The following PPP2R2A variants were observed in gnomAD, a reference collection of about 807,000 sequenced individuals.
PPP2R2A encodes the protein protein phosphatase 2 regulatory subunit Balpha, also known as serine/threonine-protein phosphatase 2A 55 kDa regulatory subunit B alpha isoform.
PPP2R2A carries 9 observed loss-of-function variants against 53.2 expected under a neutral mutation model. The ratio of observed to expected loss-of-function variants is 0.17; its 90% CI spans 0.10 to 0.30. The LOEUF is 0.30. Among genes scored for constraint, PPP2R2A ranks in the 10% least tolerant of loss-of-function variants. PPP2R2A has a pLI of 1.00. For missense variants in PPP2R2A, 235 were observed against 534.6 expected (o/e 0.44, Z 5.53); for synonymous variants, 169 against 174.2 (o/e 0.97, Z 0.23).
chr8:26,360,082 C>A lies in PPP2R2A; in HGVS notation c.347-87C>A. ...TTTTTTTTTTCGTGGAATCCTTTTA[C>A]GTGAAATGTGAAATAGCATATTTTA... On this transcript the variant is annotated intron_variant, in intron 4 of 9. Transcript: ENST00000380737. This position sits in a 1 kb window ranked among gnomAD's most constrained non-coding sequence, Gnocchi z 4.5. The A allele has an allele frequency of 2.2e-5, 13 of 581,894 alleles. No homozygotes were observed. The highest frequency in any genetic ancestry group is 6.0e-5 in the East Asian group (2 of 33,128). The allele number at this position is 581,894 out of a possible 1,614,324, so 36.0% of individuals were successfully genotyped here. A position where few individuals can be genotyped will look rare whatever the true frequency, so the allele number is the denominator to read the frequency against.
intron 2 of PPP2R2A, among the ~76,000 whole-genome samples, chr8:26,324,253 C>T (rs577659277): frequency 4.6e-5 from 7 of 152,356 alleles, no homozygotes; most frequent in African/African-American, 1.7e-4. Context: ...GTATTCCCCA[C>T]TCCATGACTT....
Position 26,370,545 on chromosome 8 carries a change from C to T in PPP2R2A, c.*132C>T, listed in dbSNP as rs1357169880. On this transcript the variant is annotated 3_prime_UTR_variant, in exon 10 of 10. Coordinates refer to ENST00000380737, the MANE Select transcript of PPP2R2A (RefSeq NM_002717.4). This position sits in a 1 kb window ranked among gnomAD's most constrained non-coding sequence, Gnocchi z 6.1. The stretch of plus-strand genomic sequence containing the variant: ...TGTTTGACAGTGTGCCATTCGACAA[C>T]ACATTGTTATAGCTACATGGAGAAA... 3 of 1,008,774 alleles carry T rather than the reference C, an allele frequency of 3.0e-6. No homozygotes were observed. In the African/African-American group the frequency reaches 4.9e-5, roughly 16 times the overall value. 62.5% of individuals were successfully genotyped at this position (1,008,774 alleles called of 1,614,324 possible).
At chr8:26,361,974 T>C (rs1209785556) in intron 6 of PPP2R2A, among the ~76,000 whole-genome samples, 7 of 148,528 alleles carry the variant, frequency 4.7e-5, no homozygotes, top group Non-Finnish European at 1.0e-4. Context: ...AAAATATATA[T>C]ATATAGATTT....
intron 2 of PPP2R2A, among the ~76,000 whole-genome samples, chr8:26,313,459 G>A (rs17055121): frequency 0.59 from 89,656 of 152,074 alleles, 26,707 homozygotes; most frequent in South Asian, 0.63. Flanking sequence ...CTTTCTTGGT[G>A]TTGTTACACT....
At chr8:26,298,501 AC>A (rs1332175199) in intron 2 of PPP2R2A, 2 of 152,242 alleles carry the variant, frequency 1.3e-5, no homozygotes, top group Admixed American at 6.5e-5. Context: ...CCCCGATGTT[AC>A]ATCACACACT....
Position 26,362,026 on chromosome 8 carries a change from A to AGATTAAGATTAATCTTAAGATTG in PPP2R2A, c.638-636_638-635insGGATTAAGATTAATCTTAAGATT, listed in dbSNP as rs1805118172. 7.1e-6 allele frequency among the ~76,000 whole-genome samples: 1 copy of AGATTAAGATTAATCTTAAGATTG among 140,878 alleles called. No homozygotes were observed. Among genetic ancestry groups the AGATTAAGATTAATCTTAAGATTG allele is most frequent in the African/African-American group, 2.7e-5 (1 of 37,110 alleles). The allele number at this position is 140,878 out of a possible 152,430, so 92.4% of individuals were successfully genotyped here. ...TTGATATTAAGATTAGATTAAGATT[A>AGATTAAGATTAATCTTAAGATTG]GATTAAGATTAATCTTAAGATTAGA... On this transcript the variant is annotated intron_variant, in intron 6 of 9. Transcript: ENST00000380737. The surrounding 1 kb of genome is among the most constrained non-coding windows in gnomAD (Gnocchi z 4.4).
chr8:26,291,855 A>C, intron 1 of PPP2R2A, 29 bp downstream of exon 1: 2 of 1,607,512 alleles, frequency 1.2e-6, no homozygotes, highest in South Asian at 2.2e-5. Context: ...TCGCCCCCTG[A>C]CAAGGCACCG....
At position 26,338,224 on chromosome 8, in the gene PPP2R2A, A is replaced by C. The variant is rs915386006; in HGVS notation, c.83-666A>C. ...TCTAGTGTGAAAAACCAAGAAAAAA[A>C]ACTTGACAGTTTTCTTTGATCATGA... is the stretch of plus-strand genomic sequence containing the variant. On this transcript the variant is annotated intron_variant, in intron 2 of 9. Transcript: ENST00000380737. This position sits in a 1 kb window ranked among gnomAD's most constrained non-coding sequence, Gnocchi z 4.5. Among the ~76,000 whole-genome samples the C allele has an allele frequency of 6.6e-6, 1 of 152,110 alleles. No homozygotes were observed. The highest frequency in any genetic ancestry group is 1.5e-5 in the Non-Finnish European group (1 of 68,022).
At chr8:26,365,737 G>A (rs1280112940) in intron 8 of PPP2R2A, 1 of 152,074 alleles carries the variant, frequency 6.6e-6, no homozygotes, top group African/African-American at 2.4e-5. Flanking sequence ...GCACAGCTTT[G>A]TTAGCTTTTG....
At chr8:26,344,869 A>T (rs1804131537) in intron 3 of PPP2R2A, among the ~76,000 whole-genome samples, 1 of 152,200 alleles carries the variant, frequency 6.6e-6, no homozygotes, top group Admixed American at 6.5e-5. Context: ...TGGAACCAGA[A>T]GTGTTTCAAA....
intron 4 of PPP2R2A, among the ~76,000 whole-genome samples, chr8:26,358,387 A>G (rs894601948): frequency 6.6e-6 from 1 of 152,218 alleles, no homozygotes; most frequent in Admixed American, 6.5e-5. Flanking sequence ...GCTCATATCT[A>G]TCTATAAATC....
chr8:26,310,716 GA>G (rs1802253511), intron 2 of PPP2R2A, among the ~76,000 whole-genome samples: 1 of 149,040 alleles, frequency 6.7e-6, no homozygotes, highest in Non-Finnish European at 1.5e-5. Context: ...AATCACCATA[GA>G]AAGTTGGTGT....
chr8:26,361,137 C>A lies in PPP2R2A; in HGVS notation c.623C>A (p.Thr208Lys). 1 of 1,595,810 alleles carries A rather than the reference C, an allele frequency of 6.3e-7. No homozygotes were observed. Among genetic ancestry groups the A allele is most frequent in the Non-Finnish European group, 8.5e-7 (1 of 1,174,744 alleles). The change falls in exon 6 of 10, where the codon ACA (threonine) becomes AAA (lysine). Residue 208 changes from threonine (T) to lysine (K), a missense_variant. This residue lies in a region of PPP2R2A where 181 missense variants were observed against 409.9 expected (regional missense o/e 0.44). Coordinates refer to ENST00000380737, the MANE Select transcript of PPP2R2A (RefSeq NM_002717.4). ...LRINLWHLEI[T>K]DRSFNIVDIK... Reference sequence around the variant, plus strand: ...ATTAATCTTTGGCATCTGGAAATTACAGACAGGAGTTTTAGTATCCATTTG... The same window carrying A: ...ATTAATCTTTGGCATCTGGAAATTAAAGACAGGAGTTTTAGTATCCATTTG...
intron 2 of PPP2R2A, among the ~76,000 whole-genome samples, chr8:26,309,319 T>C (rs1802167964): frequency 6.6e-6 from 1 of 152,296 alleles, no homozygotes; most frequent in South Asian, 2.1e-4. Flanking sequence ...TGGAAATGAG[T>C]CTTTTTTCTA....
intron 2 of PPP2R2A, among the ~76,000 whole-genome samples, chr8:26,295,287 G>T (rs1801494199): frequency 1.3e-5 from 2 of 152,178 alleles, no homozygotes; most frequent in Admixed American, 6.5e-5. Context: ...TACGCAGAAA[G>T]ATCACATGGC....
intron 2 of PPP2R2A, among the ~76,000 whole-genome samples, chr8:26,313,724 G>A (rs142657969): frequency 6.6e-6 from 1 of 152,296 alleles, no homozygotes; most frequent in Non-Finnish European, 1.5e-5. Context: ...AGATAGGAGT[G>A]ATTGCAAGGA....
At chr8:26,297,974 C>T (rs1214932497) in intron 2 of PPP2R2A, among the ~76,000 whole-genome samples, 2 of 152,170 alleles carry the variant, frequency 1.3e-5, no homozygotes, top group East Asian at 3.9e-4. Context: ...TTTAGAGGCA[C>T]ATATGCAGCT....
At chr8:26,366,011 C>T (rs1459399866) in intron 8 of PPP2R2A, 1 of 249,578 alleles carries the variant, frequency 4.0e-6, no homozygotes, top group Non-Finnish European at 7.5e-6. Flanking sequence ...TTATTAGTCT[C>T]TTAACTGTGC....
rs139717370 is a variant in PPP2R2A at position 26,295,564 on chromosome 8, T to C, written c.82+1824T>C. ...GTGAAGTTAGGAGATAAATCAGTTA[T>C]AGTTCCCCTTTGCTGATACTTAGTA... On this transcript the variant is annotated intron_variant, in intron 2 of 9. Transcript: ENST00000380737. 7.1e-4 allele frequency among the ~76,000 whole-genome samples: 108 copies of C among 152,366 alleles called. 1 individual carries two copies. The highest frequency in any genetic ancestry group is 2.6e-3 in the African/African-American group (107 of 41,596).
Sources: gnomAD v4.1 joint callset for allele counts (sites outside exome capture counted in the v4.1 genomes callset) on GRCh38, gnomAD v4.1.1 for gene constraint, gnomAD v4.1.1 regional missense constraint, Gnocchi (gnomAD v3.1) non-coding constraint, MANE v1.5 for transcripts, NCBI Gene and HGNC (gene_info 2026-07-23, HGNC 2026-07-21) for gene names.